Variants in AGPS observed in about 807,000 individuals in gnomAD.
The protein encoded by AGPS is alkyldihydroxyacetonephosphate synthase, peroxisomal.
In AGPS, 26 loss-of-function variants were observed where a neutral mutation model predicts 90.7. The observed-to-expected ratio is 0.29, with a 90% CI of 0.21 to 0.40. The LOEUF is 0.40. Ranked by LOEUF, AGPS falls within the 10% of genes least tolerant of loss-of-function variation. AGPS has a pLI of 1.00. For synonymous variants in AGPS, 294 were observed against 285.3 expected (o/e 1.03, Z -0.31); for missense variants, 540 against 816.1 (o/e 0.66, Z 4.12).
At chr2:177,401,663 G>T (rs1685333932) in intron 1 of AGPS, among the ~76,000 whole-genome samples, 1 of 151,892 alleles carries the variant, frequency 6.6e-6, no homozygotes. Context: ...TCCTGCTTCA[G>T]CCTCTCATGT....
intron 1 of AGPS, among the ~76,000 whole-genome samples, chr2:177,393,909 AT>A (rs1685095879): frequency 6.6e-6 from 1 of 152,326 alleles, no homozygotes; most frequent in East Asian, 1.9e-4. Flanking sequence ...AGTGAAAAAA[AT>A]AAGTAGCTAA....
intron 3 of AGPS, among the ~76,000 whole-genome samples, chr2:177,434,975 A>C (rs1464411390): frequency 7.2e-6 from 1 of 138,042 alleles, no homozygotes; most frequent in Non-Finnish European, 1.5e-5. Context: ...TGAAAGTGGG[A>C]TTAGGAAACT....
intron 1 of AGPS, among the ~76,000 whole-genome samples, chr2:177,400,347 AAGTC>A (rs1158792593): frequency 6.6e-6 from 1 of 152,190 alleles, no homozygotes; most frequent in African/African-American, 2.4e-5. Flanking sequence ...TTTGAGTTAC[AAGTC>A]AGTCATTCTT....
chr2:177,542,509 T>C lies in AGPS; in HGVS notation c.*4314T>C, dbSNP rs892703537. On this transcript the variant is annotated 3_prime_UTR_variant, in exon 20 of 20. Coordinates refer to ENST00000264167, the MANE Select transcript of AGPS (RefSeq NM_003659.4). ...TTAGTTCTGTGAACATGAAAAGATT[T>C]CTTTTTTGGTTTCCAAAGGAGATTA... 3 of 152,188 alleles carry C rather than the reference T, an allele frequency of 2.0e-5. No homozygotes were observed. Among genetic ancestry groups the C allele is most frequent in the Admixed American group, 2.0e-4 (3 of 15,282 alleles). 9.4% of individuals were successfully genotyped at this position (152,188 alleles called of 1,614,324 possible). A position where few individuals can be genotyped will look rare whatever the true frequency, so the allele number is the denominator to read the frequency against.
At chr2:177,468,272 C>T in intron 9 of AGPS, 144 bp from the exon 10 acceptor site, 1 of 516,898 alleles carries the variant, frequency 1.9e-6, no homozygotes, top group Non-Finnish European at 3.5e-6. Context: ...CTAAAAGATA[C>T]TAGAATTCTT....
rs972756388 is a variant in AGPS at position 177,519,650 on chromosome 2, G to C, written c.1698-1619G>C. 2.0e-5 allele frequency among the ~76,000 whole-genome samples: 3 copies of C among 152,220 alleles called. No homozygotes were observed. The East Asian group carries it at 5.8e-4, about 29-fold the overall frequency. ...GTTTTGGTCTCAACTGCAGTGATTT[G>C]CTTTTTTTCTACCCAGAATCTTTAA... is the stretch of plus-strand genomic sequence containing the variant. On this transcript the variant is annotated intron_variant, in intron 17 of 19. Transcript: ENST00000264167.
At chr2:177,441,542 C>G (rs1308877507) in intron 6 of AGPS, 2 of 154,914 alleles carry the variant, frequency 1.3e-5, no homozygotes, top group Non-Finnish European at 2.9e-5. Flanking sequence ...ATGACTGTGA[C>G]AAGCAAATAG....
chr2:177,505,708 A>C (rs1688689838), intron 15 of AGPS, 133 bp downstream of exon 15: 2 of 770,846 alleles, frequency 2.6e-6, no homozygotes, highest in Non-Finnish European at 4.4e-6. Flanking sequence ...ATCATTTTAC[A>C]TGAACCTTAT....
Position 177,542,074 on chromosome 2 carries a change from T to C in AGPS, c.*3879T>C, listed in dbSNP as rs557105024. 3.3e-5 allele frequency: 5 copies of C among 152,226 alleles called. No individual in the cohort carries two copies. Among genetic ancestry groups the C allele is most frequent in the African/African-American group, 1.2e-4 (5 of 41,554 alleles). The allele number at this position is 152,226 out of a possible 1,614,324, so 9.4% of individuals were successfully genotyped here. The stretch of plus-strand genomic sequence containing the variant: ...TCTTCAAAGGGAGTGTGAAGCTGTT[T>C]ATTCTTTTATTTGCATATGAGTTTT... On this transcript the variant is annotated 3_prime_UTR_variant, in exon 20 of 20. Coordinates refer to ENST00000264167, the MANE Select transcript of AGPS (RefSeq NM_003659.4).
intron 1 of AGPS, 27 bp from the exon 2 acceptor site, chr2:177,420,242 C>T (rs1210525984): frequency 7.1e-7 from 1 of 1,409,164 alleles, no homozygotes; most frequent in African/African-American, 1.4e-5. Context: ...GCATTGGTCT[C>T]ACTTATATAT....
chr2:177,508,117 G>A, intron 16 of AGPS, 86 bp downstream of exon 16: 1 of 1,016,610 alleles, frequency 9.8e-7, no homozygotes. Flanking sequence ...GAATATGTAA[G>A]TTTAAAACAT....
At chr2:177,447,961 A>G (rs372934121) in intron 8 of AGPS, among the ~76,000 whole-genome samples, 2 of 152,188 alleles carry the variant, frequency 1.3e-5, no homozygotes, top group Non-Finnish European at 2.9e-5. Context: ...TGATGTTAAC[A>G]TGATAAAATT....
intron 2 of AGPS, among the ~76,000 whole-genome samples, chr2:177,424,993 C>T (rs1686037384): frequency 6.6e-6 from 1 of 152,048 alleles, no homozygotes; most frequent in Non-Finnish European, 1.5e-5. Flanking sequence ...GTCAGATGCT[C>T]CGATTGCAAA....
In AGPS at chr2:177,445,539, G is replaced by T. The variant is rs762968604; in HGVS notation, c.790-7G>T. On this transcript the variant is annotated splice_region_variant and splice_polypyrimidine_tract_variant and intron_variant, in intron 7 of 19. Transcript: ENST00000264167. ...GGAGATCAGATTTCTTTCTTCCTTT[G>T]CAACAGAATCGAATTCTCTGGGTTG... The T allele has an allele frequency of 3.7e-6, 6 of 1,611,386 alleles. No individual in the cohort carries two copies. The highest frequency in any genetic ancestry group is 2.7e-5 in the African/African-American group (2 of 74,860).
rs147797763 is a variant in AGPS, at chr2:177,509,447, A to G, written c.1607+1416A>G. Among the ~76,000 whole-genome samples, 1,391 of 152,274 alleles carry G rather than the reference A, an allele frequency of 9.1e-3. 20 individuals carry two copies. Among genetic ancestry groups the G allele is most frequent in the African/African-American group, 0.031 (1,296 of 41,554 alleles). ...TTTGGGAGGCCGAGACGGGCAGATC[A>G]CGAGGTCAGGAGATCGAGACCATCC... On this transcript the variant is annotated intron_variant, in intron 16 of 19. Coordinates refer to ENST00000264167, the MANE Select transcript of AGPS (RefSeq NM_003659.4).
chr2:177,492,225 G>A (rs1310795865), intron 11 of AGPS, among the ~76,000 whole-genome samples: 5 of 152,168 alleles, frequency 3.3e-5, no homozygotes, highest in African/African-American at 4.8e-5. Flanking sequence ...AAATGTTTTT[G>A]TTATGAATGA....
chr2:177,394,534 A>G (rs1319135404), intron 1 of AGPS, among the ~76,000 whole-genome samples: 2 of 152,184 alleles, frequency 1.3e-5, no homozygotes, highest in Non-Finnish European at 2.9e-5. Flanking sequence ...AATCTTGTTT[A>G]CAGGATTTTA....
At position 177,437,089 on chromosome 2, in the gene AGPS, A is replaced by G. The variant is rs371316758; in HGVS notation, c.637+35A>G. The G allele has an allele frequency of 5.6e-5, 89 of 1,585,848 alleles. No individual in the cohort carries two copies. In the African/African-American group the frequency reaches 1.1e-3, roughly 20 times the overall value. ...CCCCTCCTCGTATCATTAATTTAGT[A>G]TTGCTAAATTTTAGGTAAATTTAAC... On this transcript the variant is annotated intron_variant, in intron 5 of 19. Coordinates refer to ENST00000264167, the MANE Select transcript of AGPS (RefSeq NM_003659.4).
chr2:177,537,823 A>G (rs1228412612), intron 19 of AGPS, among the ~76,000 whole-genome samples: 1 of 152,072 alleles, frequency 6.6e-6, no homozygotes, highest in African/African-American at 2.4e-5. Context: ...TCTCTGTCCA[A>G]GCTTCCTTCA....
Sources: gnomAD v4.1 joint callset for allele counts (sites outside exome capture counted in the v4.1 genomes callset) on GRCh38, gnomAD v4.1.1 for gene constraint, MANE v1.5 for transcripts, NCBI Gene and HGNC (gene_info 2026-07-23, HGNC 2026-07-21) for gene names.